The following RIMS2 variants were observed in gnomAD, a reference collection of about 807,000 sequenced individuals.
RIMS2 encodes regulating synaptic membrane exocytosis 2.
RIMS2 carries 59 observed loss-of-function variants against 174.4 expected under a neutral mutation model. The observed-to-expected ratio is 0.34, with a 90% CI of 0.27 to 0.42. The LOEUF is 0.42. Ranked by LOEUF, RIMS2 falls within the 10% of genes least tolerant of loss-of-function variation. The pLI is 1.00. For missense variants in RIMS2, 1,620 were observed against 1,666.3 expected (o/e 0.97, Z 0.48); for synonymous variants, 606 against 572.5 (o/e 1.06, Z -0.84).
rs1188674960 is a variant in RIMS2, at chr8:103,959,884, G to A, written c.2702-1181G>A. 3.9e-5 allele frequency among the ~76,000 whole-genome samples: 6 copies of A among 152,210 alleles called. No homozygotes were observed. In the East Asian group the frequency reaches 9.6e-4, roughly 24 times the overall value. On this transcript the variant is annotated intron_variant, in intron 14 of 23. Transcript: ENST00000504942. ...TAGAGGGAAATTTATAGCACTAAAT[G>A]CCCACAAGAGAAAGCAGAAAAGATC...
intron 19 of RIMS2, among the ~76,000 whole-genome samples, chr8:104,084,664 G>A (rs1453090837): frequency 6.6e-6 from 1 of 151,214 alleles, no homozygotes; most frequent in Non-Finnish European, 1.5e-5. Flanking sequence ...TAAAATTTTT[G>A]AGCTCATGGC....
rs376788326 is a variant in RIMS2 at position 104,071,091 on chromosome 8, G to A, written c.3334+56476G>A. 1.4e-4 allele frequency among the ~76,000 whole-genome samples: 22 copies of A among 152,236 alleles called. No homozygotes were observed. In the South Asian group the frequency reaches 4.6e-3, roughly 32 times the overall value. On this transcript the variant is annotated intron_variant, in intron 19 of 23. Transcript: ENST00000504942. ...AAAGACAAGTTTCTTAGAAGCAATAGCAATGATTCTTGTTATAGAAACCTG... is the reference window on the plus strand; with the variant it reads ...AAAGACAAGTTTCTTAGAAGCAATAACAATGATTCTTGTTATAGAAACCTG...
chr8:104,048,563 G>C (rs1241358760), intron 19 of RIMS2, among the ~76,000 whole-genome samples: 1 of 152,048 alleles, frequency 6.6e-6, no homozygotes, highest in Admixed American at 6.5e-5. Context: ...TGTAGAAATA[G>C]AAATTCAAAT....
At chr8:104,054,227 T>A (rs1276487957) in intron 19 of RIMS2, among the ~76,000 whole-genome samples, 1 of 152,160 alleles carries the variant, frequency 6.6e-6, no homozygotes, top group African/African-American at 2.4e-5. Context: ...AAACACTTTA[T>A]GAGATTTTCC....
chr8:103,662,476 A>G (rs2096613558), intron 1 of RIMS2, among the ~76,000 whole-genome samples: 1 of 152,142 alleles, frequency 6.6e-6, no homozygotes. Flanking sequence ...AAGTGTTTTT[A>G]CTCTCCAATG....
intron 17 of RIMS2, among the ~76,000 whole-genome samples, chr8:104,005,790 A>T (rs2095553400): frequency 6.6e-6 from 1 of 152,114 alleles, no homozygotes; most frequent in South Asian, 2.1e-4. Flanking sequence ...GCTGCTATGA[A>T]GTTTGAAGAG....
At chr8:103,548,880 C>T (rs1846304562) in intron 1 of RIMS2, among the ~76,000 whole-genome samples, 1 of 151,908 alleles carries the variant, frequency 6.6e-6, no homozygotes, top group Admixed American at 6.6e-5. Context: ...CAATGATGAC[C>T]AAGCTGAAAG....
chr8:103,638,877 T>A (rs1174890364), intron 1 of RIMS2, among the ~76,000 whole-genome samples: 1 of 152,044 alleles, frequency 6.6e-6, no homozygotes, highest in African/African-American at 2.4e-5. Flanking sequence ...GACACACATA[T>A]CTATATTTAT....
intron 15 of RIMS2, among the ~76,000 whole-genome samples, chr8:103,962,749 C>T (rs1204765089): frequency 1.3e-5 from 2 of 152,054 alleles, no homozygotes; most frequent in African/African-American, 4.8e-5. Context: ...CTCAGCTTCC[C>T]CAGTAGCTGG....
intron 14 of RIMS2, among the ~76,000 whole-genome samples, chr8:103,953,119 A>G (rs138699995): frequency 0.014 from 2,117 of 152,362 alleles, 24 homozygotes; most frequent in Non-Finnish European, 0.022. Flanking sequence ...GACCAAATCT[A>G]TGTTTGATTG....
At position 103,739,270 on chromosome 8, in the gene RIMS2, A is replaced by C. The variant is rs563839357; in HGVS notation, c.388-26957A>C. 2.0e-5 allele frequency among the ~76,000 whole-genome samples: 3 copies of C among 152,330 alleles called. No individual in the cohort carries two copies. The East Asian group carries it at 5.8e-4, about 29-fold the overall frequency. ...TGGAAACCATCATTCTCAGCAAACT[A>C]TCGCAAGGACAAAAACCCAAACACC... On this transcript the variant is annotated intron_variant, in intron 2 of 23. Coordinates refer to ENST00000504942, the Ensembl canonical transcript of RIMS2.
At chr8:103,833,318 CTTGTT>C (rs755983567) in intron 3 of RIMS2, among the ~76,000 whole-genome samples, 2 of 151,900 alleles carry the variant, frequency 1.3e-5, no homozygotes, top group Non-Finnish European at 2.9e-5. Flanking sequence ...GTATAATAGT[CTTGTT>C]ATGTTATGCT....
intron 1 of RIMS2, among the ~76,000 whole-genome samples, chr8:103,608,935 C>G (rs1304167187): frequency 5.9e-5 from 9 of 152,220 alleles, no homozygotes; most frequent in Non-Finnish European, 1.3e-4. Context: ...GATGGAAATG[C>G]AGAAATCACC....
At chr8:103,585,705 A>C (rs2093878080) in intron 1 of RIMS2, among the ~76,000 whole-genome samples, 1 of 151,910 alleles carries the variant, frequency 6.6e-6, no homozygotes, top group South Asian at 2.1e-4. Flanking sequence ...AGTGAGGGGA[A>C]CGTCACACAC....
chr8:103,609,645 C>G (rs201133251), intron 1 of RIMS2, among the ~76,000 whole-genome samples: 1 of 151,998 alleles, frequency 6.6e-6, no homozygotes, highest in East Asian at 1.9e-4. Flanking sequence ...CAGCTTTGTC[C>G]AAGATCAGAT....
intron 2 of RIMS2, among the ~76,000 whole-genome samples, chr8:103,750,768 G>C (rs2097878700): frequency 6.6e-6 from 1 of 152,140 alleles, no homozygotes; most frequent in African/African-American, 2.4e-5. Context: ...CCTGTGAAGA[G>C]ATGCCTTCCA....
At chr8:103,967,076 T>G (rs1315522790) in intron 15 of RIMS2, among the ~76,000 whole-genome samples, 1 of 151,846 alleles carries the variant, frequency 6.6e-6, no homozygotes, top group African/African-American at 2.4e-5. Flanking sequence ...TTTTTGATGA[T>G]GAAGTAGTCC....
In RIMS2 at chr8:103,946,593, A is replaced by G. The variant is rs536638649; in HGVS notation, c.2701+3667A>G. Among the ~76,000 whole-genome samples, 74 of 152,328 alleles carry G rather than the reference A, an allele frequency of 4.9e-4. 1 individual carries two copies. Among genetic ancestry groups the G allele is most frequent in the Non-Finnish European group, 9.4e-4 (64 of 68,030 alleles). On this transcript the variant is annotated intron_variant, in intron 14 of 23. Transcript: ENST00000504942. Reference sequence around the variant, plus strand: ...CTCGTACAATAAAAAATCACAAAACATTGTTCAGAGAAATGAAAAAGAGAT... The same window carrying G: ...CTCGTACAATAAAAAATCACAAAACGTTGTTCAGAGAAATGAAAAAGAGAT...
At chr8:104,034,634 T>C (rs369694956) in intron 19 of RIMS2, among the ~76,000 whole-genome samples, 1 of 151,844 alleles carries the variant, frequency 6.6e-6, no homozygotes, top group South Asian at 2.1e-4. Context: ...CACGCCTGGA[T>C]AATTTTTGTA....
Sources: gnomAD v4.1 joint callset for allele counts (sites outside exome capture counted in the v4.1 genomes callset) on GRCh38, gnomAD v4.1.1 for gene constraint, MANE v1.5 for transcripts, NCBI Gene and HGNC (gene_info 2026-07-23, HGNC 2026-07-21) for gene names.